The following SERINC5 variants were observed in gnomAD, a reference collection of about 807,000 sequenced individuals.
SERINC5 encodes the protein serine incorporator 5.
A neutral mutation model predicts 63.1 loss-of-function variants in SERINC5; 41 were observed. The ratio of observed to expected loss-of-function variants is 0.65; its 90% CI spans 0.51 to 0.84. The LOEUF (loss-of-function observed/expected upper bound fraction) is 0.84, where lower values mean the gene tolerates loss of function less well. Among genes scored for constraint, SERINC5 ranks in the 40% least tolerant of loss-of-function variants. The probability of loss-of-function intolerance (pLI) is 0.00; values close to 1 mark genes in which losing one functional copy is unlikely to be tolerated. For missense variants in SERINC5, 523 were observed against 573.0 expected, an observed-to-expected ratio of 0.91 and a Z score of 0.89; for synonymous variants, 222 against 215.2, an observed-to-expected ratio of 1.03 and a Z score of -0.28.
At chr5:80,233,378 G>T (rs1751540788) in intron 1 of SERINC5, among the ~76,000 whole-genome samples, 1 of 152,128 alleles carries the variant, frequency 6.6e-6, no homozygotes, top group South Asian at 2.1e-4. Context: ...GGTGAGCTGA[G>T]ATCGCACCAT....
intron 8 of SERINC5, among the ~76,000 whole-genome samples, chr5:80,154,908 A>G (rs1396727547): frequency 2.6e-5 from 4 of 152,222 alleles, no homozygotes; most frequent in Non-Finnish European, 5.9e-5. Flanking sequence ...CAAGTCATCC[A>G]GTTTATCTTT....
chr5:80,181,127 G>A (rs1328397244), intron 2 of SERINC5, among the ~76,000 whole-genome samples: 1 of 152,152 alleles, frequency 6.6e-6, no homozygotes, highest in African/African-American at 2.4e-5. Context: ...CAAGGTGCGA[G>A]GGGACAGCAG....
At position 80,141,202 on chromosome 5, in the gene SERINC5, A is replaced by G; in HGVS notation, c.*2461T>C. On this transcript the variant is annotated 3_prime_UTR_variant, in exon 12 of 12. Transcript: ENST00000507668. ...CACGTGCTAACATTTTCAGCTGAGA[A>G]TAAAATTCAGAGCAACTGTAACTCT... 1 of 985,488 alleles carries G rather than the reference A, an allele frequency of 1.0e-6. No individual in the cohort carries two copies. The highest frequency in any genetic ancestry group is 1.2e-6 in the Non-Finnish European group (1 of 829,946). 61.0% of individuals were successfully genotyped at this position (985,488 alleles called of 1,614,324 possible).
intron 1 of SERINC5, among the ~76,000 whole-genome samples, chr5:80,248,166 A>G (rs1471080952): frequency 1.3e-5 from 2 of 152,126 alleles, no homozygotes; most frequent in African/African-American, 2.4e-5. Context: ...GATGAAGTTT[A>G]ATTTCTAAAT....
chr5:80,225,697 G>T (rs140730771), intron 1 of SERINC5, among the ~76,000 whole-genome samples: 89 of 152,184 alleles, frequency 5.8e-4, no homozygotes, highest in Non-Finnish European at 8.5e-4. Flanking sequence ...AAAAGAGTAG[G>T]GTTATCCCAT....
At chr5:80,180,808 TG>T (rs1214147511) in intron 2 of SERINC5, among the ~76,000 whole-genome samples, 1 of 152,270 alleles carries the variant, frequency 6.6e-6, no homozygotes, top group Non-Finnish European at 1.5e-5. Context: ...ACTGCTGTCC[TG>T]TCTTTGTTCT....
intron 2 of SERINC5, among the ~76,000 whole-genome samples, chr5:80,188,874 G>A (rs1749003536): frequency 6.6e-6 from 1 of 152,144 alleles, no homozygotes; most frequent in South Asian, 2.1e-4. Flanking sequence ...GCTGCAGTGA[G>A]CCATGATCGC....
At chr5:80,179,014 G>A (rs4704620) in intron 2 of SERINC5, among the ~76,000 whole-genome samples, 10,969 of 152,084 alleles carry the variant, frequency 0.072, 602 homozygotes, top group East Asian at 0.3. Flanking sequence ...TTAACAATAA[G>A]CTGGGCCAGA....
chr5:80,249,044 G>A (rs546720530), intron 1 of SERINC5, among the ~76,000 whole-genome samples: 2 of 152,304 alleles, frequency 1.3e-5, no homozygotes, highest in South Asian at 4.1e-4. Context: ...GCCGGGTACG[G>A]TGGCTCACGC....
rs76212273 is a variant in SERINC5 at position 80,219,060 on chromosome 5, T to A, written c.28-16007A>T. 1.0e-2 allele frequency among the ~76,000 whole-genome samples: 1,517 copies of A among 152,330 alleles called. 30 individuals are homozygous for A. Among genetic ancestry groups the A allele is most frequent in the African/African-American group, 0.034 (1,426 of 41,572 alleles). Reference sequence around the variant, plus strand: ...GTCTTTCTAATATTTTTCACATAAATACATAAATTAGAAAACAAAATGTCA... The same window carrying A: ...GTCTTTCTAATATTTTTCACATAAAAACATAAATTAGAAAACAAAATGTCA... On this transcript the variant is annotated intron_variant, in intron 1 of 11. Coordinates refer to ENST00000507668, the MANE Select transcript of SERINC5 (RefSeq NM_001174072.3).
At chr5:80,118,714 A>T (rs972417156) in intron 11 of SERINC5, among the ~76,000 whole-genome samples, 4 of 108,254 alleles carry the variant, frequency 3.7e-5, no homozygotes, top group African/African-American at 7.7e-5. Flanking sequence ...TGTCCAGCTA[A>T]TTTTTTTTTT....
chr5:80,180,773 T>C (rs1748367932), intron 2 of SERINC5, among the ~76,000 whole-genome samples: 1 of 152,202 alleles, frequency 6.6e-6, no homozygotes, highest in Admixed American at 6.5e-5. Flanking sequence ...GTTAATTATG[T>C]AGTCTCAGGG....
chr5:80,255,539 T>C (rs932757169), intron 1 of SERINC5, among the ~76,000 whole-genome samples: 3 of 151,644 alleles, frequency 2.0e-5, no homozygotes, highest in Non-Finnish European at 4.4e-5. Flanking sequence ...ACAAGCAGAG[T>C]GGAGAGGGCT....
chr5:80,191,496 G>A (rs10942913), intron 2 of SERINC5, among the ~76,000 whole-genome samples: 1,549 of 118,792 alleles, frequency 0.013, 14 homozygotes, highest in East Asian at 0.026. Context: ...AAAAAAAAAA[G>A]AAAAAAAAAA....
chr5:80,133,587 T>A (rs980862860), intron 11 of SERINC5, among the ~76,000 whole-genome samples: 10 of 152,218 alleles, frequency 6.6e-5, no homozygotes, highest in Admixed American at 5.2e-4. Flanking sequence ...CCCAAGACTG[T>A]CTGAGTCAGT....
chr5:80,117,330 G>A (rs1369826223), intron 11 of SERINC5, among the ~76,000 whole-genome samples: 3 of 152,010 alleles, frequency 2.0e-5, no homozygotes, highest in Non-Finnish European at 4.4e-5. Context: ...GGCAAATATT[G>A]GCACCTACCT....
intron 2 of SERINC5, 112 bp from the exon 3 acceptor site, chr5:80,178,176 T>C: frequency 1.7e-6 from 1 of 599,840 alleles, no homozygotes; most frequent in Non-Finnish European, 2.9e-6. Flanking sequence ...ATCGTGTGCA[T>C]AAAGAAACAG....
At chr5:80,129,836 T>A (rs1744873105) in intron 11 of SERINC5, among the ~76,000 whole-genome samples, 1 of 152,190 alleles carries the variant, frequency 6.6e-6, no homozygotes, top group African/African-American at 2.4e-5. Context: ...TAAATTGGAA[T>A]TGCGAGGTCA....
chr5:80,140,667 A>ATAGTCTC lies in SERINC5; in HGVS notation c.*2989_*2995dup, dbSNP rs1745454096. 6.1e-6 allele frequency: 6 copies of ATAGTCTC among 985,200 alleles called. No homozygotes were observed. In the African/African-American group the frequency reaches 8.7e-5, roughly 14 times the overall value. 61.0% of individuals were successfully genotyped at this position (985,200 alleles called of 1,614,324 possible). A position where few individuals can be genotyped will look rare whatever the true frequency, so the allele number is the denominator to read the frequency against. ...GGGTTTCTGAAGGCTTATAATGGAA[A>ATAGTCTC]TAGTCTCTAGTCTCCAGTCAGGTAA... On this transcript the variant is annotated 3_prime_UTR_variant, in exon 12 of 12. Coordinates refer to ENST00000507668, the MANE Select transcript of SERINC5 (RefSeq NM_001174072.3).
Sources: gnomAD v4.1 joint callset for allele counts (sites outside exome capture counted in the v4.1 genomes callset) on GRCh38, gnomAD v4.1.1 for gene constraint, MANE v1.5 for transcripts, NCBI Gene and HGNC (gene_info 2026-07-23, HGNC 2026-07-21) for gene names.